RPAP1: variants seen among roughly 807,000 people sequenced by gnomAD.
RPAP1 encodes RNA polymerase II-associated protein 1.
In RPAP1, 109 loss-of-function variants were observed where a neutral mutation model predicts 142.4. The observed-to-expected ratio is 0.77, with a 90% CI of 0.66 to 0.90. The LOEUF (loss-of-function observed/expected upper bound fraction) is 0.90. RPAP1 is among the 40% of genes least tolerant of loss of function. RPAP1 has a pLI of 0.00. For synonymous variants in RPAP1, 704 were observed against 738.9 expected, an observed-to-expected ratio of 0.95 and a Z score of 0.77; for missense variants, 1,546 against 1,751.7, an observed-to-expected ratio of 0.88 and a Z score of 2.10.
intron 5 of RPAP1, 144 bp from the exon 6 acceptor site, chr15:41,535,079 C>T: frequency 1.4e-6 from 1 of 718,872 alleles, no homozygotes; most frequent in African/African-American, 1.8e-5. Flanking sequence ...CTGGGTCTGG[C>T]ACAGGGACTC....
Position 41,520,542 on chromosome 15 carries a change from AG to A in RPAP1, c.3643del (p.Leu1215TrpfsTer45). 6.2e-7 allele frequency: 1 copy of A among 1,614,214 alleles called. No homozygotes were observed. Among genetic ancestry groups the A allele is most frequent in the Non-Finnish European group, 8.5e-7 (1 of 1,180,034 alleles). On this transcript the variant is annotated frameshift_variant, in exon 22 of 25. Coordinates refer to ENST00000304330, the MANE Select transcript of RPAP1 (RefSeq NM_015540.4). LOFTEE classifies it high-confidence loss of function. Reference protein sequence around the residue: ...TSFPDLYANFLDHFEAVSFGD... With the variant: ...TSFPDLYANFXDHFEAVSFGD... ...AAAAGAGACAGCCTCAAAATGATCC[AG>A]GAAGTTGGCATAGAGGTCAGGGAAA... is the stretch of plus-strand genomic sequence containing the variant.
At chr15:41,540,446 C>T in intron 1 of RPAP1, among the ~76,000 whole-genome samples, 1 of 152,068 alleles carries the variant, frequency 6.6e-6, no homozygotes, top group Non-Finnish European at 1.5e-5. Flanking sequence ...GGATTATAGG[C>T]ATGTGCCACC....
Position 41,520,752 on chromosome 15 carries a change from T to C in RPAP1, c.3434A>G (p.Gln1145Arg). 6.2e-7 allele frequency: 1 copy of C among 1,613,684 alleles called. No individual in the cohort carries two copies. Among genetic ancestry groups the C allele is most frequent in the Non-Finnish European group, 8.5e-7 (1 of 1,179,958 alleles). Residue 1145 changes from glutamine to arginine, a missense_variant, in exon 22 of 25, where the codon CAG becomes CGG. Physicochemically the swap from Gln to Arg is conservative, Grantham distance 43 (BLOSUM62 1). Coordinates refer to ENST00000304330, the MANE Select transcript of RPAP1 (RefSeq NM_015540.4). ...AGCAGGGGGCACAGCCCAGAGAGCC[T>C]GGGGGCGCCAGCTCTCCAAAACTAG... ...WVLVLESWRP[Q>R]ALWAVPPAAR...
chr15:41,522,617 C>T (rs917581768), intron 19 of RPAP1, 148 bp downstream of exon 19: 18 of 669,696 alleles, frequency 2.7e-5, no homozygotes, highest in East Asian at 1.9e-4. Flanking sequence ...CTCGAACTCC[C>T]GACCTCAGGT....
intron 5 of RPAP1, 121 bp from the exon 6 acceptor site, chr15:41,535,056 A>G: frequency 1.1e-6 from 1 of 892,598 alleles, no homozygotes; most frequent in South Asian, 1.7e-5. Context: ...CTTTCCTCAG[A>G]GTGGAGACCC....
chr15:41,532,258 G>A (rs1338007001), intron 6 of RPAP1, among the ~76,000 whole-genome samples: 1 of 152,028 alleles, frequency 6.6e-6, no homozygotes, highest in African/African-American at 2.4e-5. Flanking sequence ...TTGATCTTGT[G>A]ATCCGCCCAC....
Position 41,534,751 on chromosome 15 carries a change from C to G in RPAP1, c.726G>C (p.Glu242Asp). The G allele has an allele frequency of 1.2e-6, 2 of 1,614,102 alleles. No individual in the cohort carries two copies. Among genetic ancestry groups the G allele is most frequent in the South Asian group, 1.1e-5 (1 of 91,086 alleles). The change falls in exon 6 of 25, where the codon GAG becomes GAC. Residue 242 changes from glutamate (E) to aspartate (D), a missense_variant. Glu to Asp is a conservative substitution (Grantham distance 45). Coordinates refer to ENST00000304330, the MANE Select transcript of RPAP1 (RefSeq NM_015540.4). ...IARLQAMAPE[E>D]ILQEQQRLLA... ...GCAACCGCTGCTGTTCCTGCAGGAT[C>G]TCCTCAGGAGCCATGGCCTGCAGTC...
At position 41,525,032 on chromosome 15, in the gene RPAP1, C is replaced by T; in HGVS notation, c.2034G>A (p.Trp678Ter). The T allele has an allele frequency of 6.2e-7, 1 of 1,614,014 alleles. No individual in the cohort carries two copies. Among genetic ancestry groups the T allele is most frequent in the Non-Finnish European group, 8.5e-7 (1 of 1,179,972 alleles). ...EMLSTEALRLWAVAASYGQGG... is the reference protein window; with the variant it reads ...EMLSTEALRL ...CCTGGCCATAGGAGGCAGCCACAGC[C>T]CACAGACGGAGGGCCTCGGTGCTCA... The change falls in exon 15 of 25, where the codon TGG becomes TGA. Residue 678 changes from tryptophan to a stop codon, truncating the protein, a stop_gained. Coordinates refer to ENST00000304330, the MANE Select transcript of RPAP1 (RefSeq NM_015540.4). LOFTEE classifies it high-confidence loss of function.
At chr15:41,532,369 C>T (rs1296322573) in intron 6 of RPAP1, among the ~76,000 whole-genome samples, 1 of 151,836 alleles carries the variant, frequency 6.6e-6, no homozygotes, top group Non-Finnish European at 1.5e-5. Flanking sequence ...TCATGATGTT[C>T]CTCAAGCTGG....
chr15:41,540,168 A>G (rs1396911006), intron 1 of RPAP1, among the ~76,000 whole-genome samples: 2 of 152,242 alleles, frequency 1.3e-5, no homozygotes, highest in Non-Finnish European at 2.9e-5. Flanking sequence ...CCTGAGCTAG[A>G]TGCTGATAAT....
chr15:41,517,524 C>A lies in RPAP1; in HGVS notation c.*18G>T. 4.6e-6 allele frequency: 7 copies of A among 1,527,828 alleles called. No homozygotes were observed. Among genetic ancestry groups the A allele is most frequent in the Non-Finnish European group, 5.3e-6 (6 of 1,137,094 alleles). The allele number at this position is 1,527,828 out of a possible 1,614,324, so 94.6% of individuals were successfully genotyped here. On this transcript the variant is annotated 3_prime_UTR_variant, in exon 25 of 25. Coordinates refer to ENST00000304330, the MANE Select transcript of RPAP1 (RefSeq NM_015540.4). ...GATACAGGACAACGTACCCATCTTTCCATCTATATCAACTATCCTAGGTCT... is the reference window on the plus strand; with the variant it reads ...GATACAGGACAACGTACCCATCTTTACATCTATATCAACTATCCTAGGTCT...
At position 41,523,822 on chromosome 15, in the gene RPAP1, G is replaced by A. The variant is rs375474364; in HGVS notation, c.2385C>T (p.Pro795=). 7.9e-5 allele frequency: 127 copies of A among 1,609,468 alleles called. 2 individuals are homozygous for A. The African/African-American group carries it at 8.0e-4, about 10-fold the overall frequency. Reference sequence around the variant, plus strand: ...CTCCCAGGAACAACAGGCAGGCAACGGGCACTGGGCCCACGGCTCTCCACA... The same window carrying A: ...CTCCCAGGAACAACAGGCAGGCAACAGGCACTGGGCCCACGGCTCTCCACA... ...PEMWRAVGPV[P]VACLLFLGAY... The change falls in exon 17 of 25, where the codon CCC becomes CCT. Residue 795 remains proline, a synonymous_variant. Transcript: ENST00000304330.
At position 41,536,513 on chromosome 15, in the gene RPAP1, C is replaced by G. The variant is rs376246565; in HGVS notation, c.318G>C (p.Leu106Phe). 66 of 1,614,066 alleles carry G rather than the reference C, an allele frequency of 4.1e-5. No individual in the cohort carries two copies. The South Asian group carries it at 4.2e-4, about 10-fold the overall frequency. The change falls in exon 3 of 25, where the codon TTG becomes TTC. Residue 106 changes from leucine to phenylalanine, a missense_variant. Transcript: ENST00000304330. ...GAGTGAGACGCACAATAATCTTAGT[C>G]AAGACAGCAGTGATGTGCTGATCAT... ...RRHDQHITAVLTKIIERDTSS... is the reference protein window; with the variant it reads ...RRHDQHITAVFTKIIERDTSS...
rs770718541 is a variant in RPAP1, at chr15:41,526,913, A to G, written c.1902T>C (p.Asn634=). ...LLRVLASAGR[N]IAARLLSSFD... ...TCCTGCTCACCAGCCGGGCAGCAAT[A>G]TTCCTCCCAGCTGAGGCCAGGACAC... The change falls in exon 14 of 25, where the codon AAT becomes AAC. Residue 634 remains asparagine, a synonymous_variant. Coordinates refer to ENST00000304330, the MANE Select transcript of RPAP1 (RefSeq NM_015540.4). 1 of 1,612,796 alleles carries G rather than the reference A, an allele frequency of 6.2e-7. No homozygotes were observed. Among genetic ancestry groups the G allele is most frequent in the Non-Finnish European group, 8.5e-7 (1 of 1,179,024 alleles).
intron 4 of RPAP1, among the ~76,000 whole-genome samples, chr15:41,535,885 G>A (rs551346417): frequency 6.6e-6 from 1 of 152,026 alleles, no homozygotes; most frequent in African/African-American, 2.4e-5. Context: ...TATCTCTTTG[G>A]GGTCTCAGTT....
rs766332537 is a variant in RPAP1 at position 41,525,083 on chromosome 15, G to C, written c.1983C>G (p.Ala661=). The change falls in exon 15 of 25, where the codon GCC becomes GCG. Residue 661 remains alanine (A), a synonymous_variant. Transcript: ENST00000304330. ...GCATCTCAGCTTCCTCTGGGGGCAAGGCCAGTTCTTGGGGAGCCTCAGCTA... is the reference window on the plus strand; with the variant it reads ...GCATCTCAGCTTCCTCTGGGGGCAACGCCAGTTCTTGGGGAGCCTCAGCTA... ...RIIAEAPQEL[A]LPPEEAEMLS... is the part of the protein sequence containing the mutation. 19 of 1,613,918 alleles carry C rather than the reference G, an allele frequency of 1.2e-5. No individual in the cohort carries two copies. In the African/African-American group the frequency reaches 1.3e-4, roughly 11 times the overall value.
rs772103371 is a variant in RPAP1, at chr15:41,528,307, G to T, written c.1188C>A (p.Phe396Leu). The change falls in exon 10 of 25, where the codon TTC becomes TTA. Residue 396 changes from phenylalanine (F) to leucine (L), a missense_variant. By Grantham distance (22) the Phe-to-Leu change is conservative. Coordinates refer to ENST00000304330, the MANE Select transcript of RPAP1 (RefSeq NM_015540.4). ...ERAGYSLQELFHLTRSQVSQQ... is the reference protein window; with the variant it reads ...ERAGYSLQELLHLTRSQVSQQ... ...GGGAAACCTGGCTGCGGGTCAGGTG[G>T]AACAGCTCCTGTAGGGAATACCCCG... 6 of 1,602,580 alleles carry T rather than the reference G, an allele frequency of 3.7e-6. No individual in the cohort carries two copies. Among genetic ancestry groups the T allele is most frequent in the Non-Finnish European group, 5.1e-6 (6 of 1,174,174 alleles).
At chr15:41,541,897 T>C (rs1284396979) in intron 1 of RPAP1, among the ~76,000 whole-genome samples, 1 of 152,124 alleles carries the variant, frequency 6.6e-6, no homozygotes, top group Admixed American at 6.6e-5. Context: ...CTTCATCTAC[T>C]TCTAAGCAGG....
intron 6 of RPAP1, among the ~76,000 whole-genome samples, chr15:41,532,549 T>G (rs1318461365): frequency 6.6e-6 from 1 of 152,042 alleles, no homozygotes; most frequent in Non-Finnish European, 1.5e-5. Context: ...GAACAGACAC[T>G]AGGGGTGAGG....
Sources: allele counts gnomAD v4.1 joint callset (sites outside exome capture counted in the v4.1 genomes callset), GRCh38; gene constraint gnomAD v4.1.1; transcripts MANE v1.5; gene names NCBI Gene and HGNC (gene_info 2026-07-23, HGNC 2026-07-21).